Variants in RASAL2 observed in about 807,000 individuals in gnomAD.
The protein encoded by RASAL2 is ras GTPase-activating protein nGAP.
A neutral mutation model predicts 128.9 loss-of-function variants in RASAL2; 58 were observed. The observed-to-expected ratio is 0.45, with a 90% CI of 0.36 to 0.56. The LOEUF is 0.56. RASAL2 is among the 20% of genes least tolerant of loss of function. The pLI is 0.00. For missense variants in RASAL2, 1,360 were observed against 1,601.6 expected (o/e 0.85, Z 2.57); for synonymous variants, 561 against 580.8 (o/e 0.97, Z 0.49).
chr1:178,466,239 A>G (rs769599415), intron 16 of RASAL2, 117 bp downstream of exon 16: 22 of 932,206 alleles, frequency 2.4e-5, no homozygotes, highest in Non-Finnish European at 3.2e-5. Context: ...GGTACTGAGT[A>G]CAAATGTGAT....
At chr1:178,289,622 T>C (rs1310738878) in intron 2 of RASAL2, among the ~76,000 whole-genome samples, 1 of 152,062 alleles carries the variant, frequency 6.6e-6, no homozygotes, top group East Asian at 1.9e-4. Flanking sequence ...GCCATCTCTC[T>C]TCTCTAGACT....
chr1:178,337,232 A>C (rs898050363), intron 3 of RASAL2, among the ~76,000 whole-genome samples: 7 of 152,204 alleles, frequency 4.6e-5, no homozygotes, highest in African/African-American at 1.7e-4. Context: ...GTACTTTGCT[A>C]ACCATATGAA....
At chr1:178,314,305 T>C (rs1190962708) in intron 3 of RASAL2, among the ~76,000 whole-genome samples, 1 of 152,166 alleles carries the variant, frequency 6.6e-6, no homozygotes, top group Non-Finnish European at 1.5e-5. Flanking sequence ...GTAAGAAAAA[T>C]TATCTGTATG....
chr1:178,419,554 G>A (rs1028619989), intron 4 of RASAL2, among the ~76,000 whole-genome samples: 1 of 152,052 alleles, frequency 6.6e-6, no homozygotes, highest in Non-Finnish European at 1.5e-5. Flanking sequence ...TTTTCAAAAT[G>A]CTGGGACTAC....
chr1:178,134,647 C>A (rs934912115), intron 1 of RASAL2, among the ~76,000 whole-genome samples: 1 of 152,132 alleles, frequency 6.6e-6, no homozygotes, highest in Non-Finnish European at 1.5e-5. Context: ...TGACTCTGCT[C>A]AGTGGGTGCC....
At chr1:178,448,554 A>G (rs569390716) in intron 9 of RASAL2, among the ~76,000 whole-genome samples, 199 of 152,308 alleles carry the variant, frequency 1.3e-3, no homozygotes, top group African/African-American at 4.7e-3. Context: ...GCTTAAGAAA[A>G]GTACAAAGAG....
intron 17 of RASAL2, chr1:178,470,742 C>T (rs149343698): frequency 1.1e-5 from 15 of 1,364,000 alleles, no homozygotes; most frequent in East Asian, 4.6e-5. Context: ...ACCCCGCGTC[C>T]GTTCTCTAGC....
chr1:178,443,326 G>A, intron 8 of RASAL2, 97 bp downstream of exon 8: 1 of 1,130,496 alleles, frequency 8.8e-7, no homozygotes, highest in Non-Finnish European at 1.2e-6. Context: ...AGAGAAATGT[G>A]CTTTACTATT....
At chr1:178,464,503 C>A in intron 15 of RASAL2, 91 bp downstream of exon 15, 1 of 1,468,594 alleles carries the variant, frequency 6.8e-7, no homozygotes, top group South Asian at 1.3e-5. Flanking sequence ...CTCATCCCAC[C>A]CCCATCTTCA....
chr1:178,319,384 T>A (rs377025844), intron 3 of RASAL2, among the ~76,000 whole-genome samples: 8 of 151,866 alleles, frequency 5.3e-5, no homozygotes, highest in Non-Finnish European at 1.0e-4. Flanking sequence ...TATCCTGCAG[T>A]GTGTTTTCCA....
At position 178,363,677 on chromosome 1, in the gene RASAL2, T is replaced by C. The variant is rs562038759; in HGVS notation, c.458-26423T>C. Among the ~76,000 whole-genome samples, 26 of 152,338 alleles carry C rather than the reference T, an allele frequency of 1.7e-4. No individual in the cohort carries two copies. The South Asian group carries it at 5.0e-3, about 29-fold the overall frequency. On this transcript the variant is annotated intron_variant, in intron 3 of 17. Coordinates refer to ENST00000367649, the MANE Select transcript of RASAL2 (RefSeq NM_170692.4). ...GGAAAAATTTTGCTCATTTAACAAA[T>C]ATTAAGCACTTACTATGTGCCCAGC... is the stretch of plus-strand genomic sequence containing the variant.
At position 178,441,797 on chromosome 1, in the gene RASAL2, T is replaced by C. The variant is rs186783574; in HGVS notation, c.927+150T>C. 15 of 581,938 alleles carry C rather than the reference T, an allele frequency of 2.6e-5. 1 individual carries two copies. In the Admixed American group the frequency reaches 3.0e-4, roughly 12 times the overall value. The allele number at this position is 581,938 out of a possible 1,614,324, so 36.0% of individuals were successfully genotyped here. On this transcript the variant is annotated intron_variant, in intron 7 of 17. Coordinates refer to ENST00000367649, the MANE Select transcript of RASAL2 (RefSeq NM_170692.4). ...TTATGCCATTTGTAGTAAGCCCTTA[T>C]TATATCACCATAAAGAAGTATCTGA...
intron 6 of RASAL2, among the ~76,000 whole-genome samples, chr1:178,440,996 T>G (rs10913551): frequency 0.25 from 37,923 of 152,018 alleles, 7,515 homozygotes; most frequent in African/African-American, 0.55. Context: ...GTAATTTAAG[T>G]TATTGCCTAA....
intron 1 of RASAL2, among the ~76,000 whole-genome samples, chr1:178,156,552 A>G (rs915717478): frequency 6.6e-6 from 1 of 152,158 alleles, no homozygotes; most frequent in African/African-American, 2.4e-5. Context: ...GCTCAGATGC[A>G]TATTTTTTTT....
intron 1 of RASAL2, among the ~76,000 whole-genome samples, chr1:178,254,919 A>G (rs562149361): frequency 5.2e-4 from 79 of 152,272 alleles, no homozygotes; most frequent in African/African-American, 1.9e-3. Flanking sequence ...GAAATCAGCT[A>G]CAGAAAAACC....
intron 1 of RASAL2, among the ~76,000 whole-genome samples, chr1:178,197,711 T>G (rs184354091): frequency 6.6e-6 from 1 of 152,224 alleles, no homozygotes; most frequent in African/African-American, 2.4e-5. Context: ...TTTTAAAAAA[T>G]TATTATACTT....
intron 1 of RASAL2, among the ~76,000 whole-genome samples, chr1:178,242,422 A>T (rs1664540421): frequency 1.1e-5 from 1 of 91,956 alleles, no homozygotes; most frequent in Non-Finnish European, 2.3e-5. Context: ...TTTATAATTC[A>T]TTCTCTCTCT....
At chr1:178,312,402 A>G (rs1668302217) in intron 3 of RASAL2, among the ~76,000 whole-genome samples, 1 of 152,236 alleles carries the variant, frequency 6.6e-6, no homozygotes, top group Non-Finnish European at 1.5e-5. Context: ...AAAATTCTGA[A>G]GGAAATTTTT....
chr1:178,296,103 GTA>G (rs1237845717), intron 2 of RASAL2, among the ~76,000 whole-genome samples: 5 of 150,686 alleles, frequency 3.3e-5, no homozygotes, highest in African/African-American at 1.2e-4. Flanking sequence ...ATATATATGT[GTA>G]TATATGTGTG....
Sources: gnomAD v4.1 joint callset for allele counts (sites outside exome capture counted in the v4.1 genomes callset) on GRCh38, gnomAD v4.1.1 for gene constraint, MANE v1.5 for transcripts, NCBI Gene and HGNC (gene_info 2026-07-23, HGNC 2026-07-21) for gene names.